DOCK5: variants seen among roughly 807,000 people sequenced by gnomAD.
DOCK5 encodes the protein dedicator of cytokinesis protein 5.
Under a neutral mutation model 251.8 loss-of-function variants are expected in DOCK5, and 142 were observed. The ratio of observed to expected loss-of-function variants is 0.56; its 90% CI spans 0.49 to 0.65. The LOEUF is 0.65. Among genes scored for constraint, DOCK5 ranks in the 30% least tolerant of loss-of-function variants. DOCK5 has a pLI of 0.00. For missense variants in DOCK5, 2,111 were observed against 2,312.3 expected (o/e 0.91, Z 1.79); for synonymous variants, 842 against 835.5 (o/e 1.01, Z -0.13).
intron 18 of DOCK5, among the ~76,000 whole-genome samples, chr8:25,329,917 C>T (rs542949210): frequency 3.3e-5 from 5 of 152,158 alleles, no homozygotes; most frequent in Admixed American, 2.0e-4. Context: ...TCTGTAACCC[C>T]GTGTCACTGC....
At chr8:25,186,349 C>CTTTTTTTT (rs778162063) in intron 1 of DOCK5, among the ~76,000 whole-genome samples, 1 of 124,818 alleles carries the variant, frequency 8.0e-6, no homozygotes, top group African/African-American at 2.9e-5. Context: ...CCTCAGGGCT[C>CTTTTTTTT]TTTTTTTTTT....
chr8:25,415,543 A>G lies in DOCK5; in HGVS notation c.*4245A>G, dbSNP rs1419874735. On this transcript the variant is annotated 3_prime_UTR_variant, in exon 52 of 52. Coordinates refer to ENST00000276440, the MANE Select transcript of DOCK5 (RefSeq NM_024940.8). The stretch of plus-strand genomic sequence containing the variant: ...TCCAAACTCATCTACTATTAGCCAT[A>G]TTTTGTGAGTCGTTTGTCTAAACTT... 4 of 152,196 alleles carry G rather than the reference A, an allele frequency of 2.6e-5. No individual in the cohort carries two copies. Among genetic ancestry groups the G allele is most frequent in the Admixed American group, 1.3e-4 (2 of 15,262 alleles). 9.4% of individuals were successfully genotyped at this position (152,196 alleles called of 1,614,324 possible).
At chr8:25,304,361 A>C (rs950203729) in intron 11 of DOCK5, 34 bp downstream of exon 11, 1 of 1,551,964 alleles carries the variant, frequency 6.4e-7, no homozygotes, top group African/African-American at 1.4e-5. Context: ...AGGTGACTTG[A>C]GACCTGGATT....
intron 11 of DOCK5, among the ~76,000 whole-genome samples, chr8:25,307,574 A>G (rs1314657934): frequency 2.0e-5 from 3 of 152,222 alleles, no homozygotes; most frequent in African/African-American, 7.2e-5. Context: ...GATTATATGT[A>G]CATAATAGGA....
Position 25,325,289 on chromosome 8 carries a change from A to G in DOCK5, c.1720-75A>G. On this transcript the variant is annotated intron_variant, in intron 17 of 51. Transcript: ENST00000276440. ...TCCACGCTTCTCATGCTGAAAATGC[A>G]TGATAGAAATTGTTTTTATTTGCAT... 4.0e-6 allele frequency: 6 copies of G among 1,493,726 alleles called. No homozygotes were observed. The South Asian group carries it at 6.3e-5, about 16-fold the overall frequency. 92.5% of individuals were successfully genotyped at this position (1,493,726 alleles called of 1,614,324 possible).
chr8:25,265,748 A>T (rs1803728021), intron 2 of DOCK5, among the ~76,000 whole-genome samples: 1 of 151,918 alleles, frequency 6.6e-6, no homozygotes, highest in Non-Finnish European at 1.5e-5. Flanking sequence ...CAGGGAAGAG[A>T]TCTGTTGGAC....
chr8:25,348,982 G>T (rs1003489964), intron 26 of DOCK5, among the ~76,000 whole-genome samples: 1 of 152,198 alleles, frequency 6.6e-6, no homozygotes, highest in African/African-American at 2.4e-5. Flanking sequence ...CCACACTAAG[G>T]AAATGTTATG....
At chr8:25,361,634 TAAATA>T (rs1441866488) in intron 28 of DOCK5, among the ~76,000 whole-genome samples, 1 of 152,046 alleles carries the variant, frequency 6.6e-6, no homozygotes, top group Non-Finnish European at 1.5e-5. Context: ...AATAAATAAG[TAAATA>T]AAATATATGA....
chr8:25,219,495 TC>T (rs999795540), intron 1 of DOCK5, among the ~76,000 whole-genome samples: 4 of 152,222 alleles, frequency 2.6e-5, no homozygotes, highest in Non-Finnish European at 5.9e-5. Context: ...ATTTTGTCTT[TC>T]CCCTTCTTGG....
chr8:25,188,420 A>G (rs887782125), intron 1 of DOCK5, among the ~76,000 whole-genome samples: 3 of 152,220 alleles, frequency 2.0e-5, no homozygotes, highest in Admixed American at 1.3e-4. Flanking sequence ...AGAGCTAGCT[A>G]TGACTTTGCC....
intron 40 of DOCK5, among the ~76,000 whole-genome samples, chr8:25,386,147 G>A (rs1357508209): frequency 1.3e-5 from 2 of 152,162 alleles, no homozygotes; most frequent in Admixed American, 6.5e-5. Flanking sequence ...CATCCAAAAG[G>A]CACAAGTCAA....
At chr8:25,399,654 TTAGTG>T (rs1801403358) in intron 45 of DOCK5, among the ~76,000 whole-genome samples, 2 of 152,248 alleles carry the variant, frequency 1.3e-5, no homozygotes, top group Non-Finnish European at 2.9e-5. Flanking sequence ...GATTATTTGA[TTAGTG>T]TGTGTGTGTG....
chr8:25,345,515 C>T lies in DOCK5; in HGVS notation c.2658C>T (p.Leu886=). ...TGCTGCCACTGCTGACAGACCAGCT[C>T]AGCGGCCAGTTAGATGACAACTCCA... ...EVLLPLLTDQ[L]SGQLDDNSNK... is the part of the protein sequence containing the mutation. The change falls in exon 26 of 52, where the codon CTC becomes CTT. Residue 886 remains leucine, a synonymous_variant. Coordinates refer to ENST00000276440, the MANE Select transcript of DOCK5 (RefSeq NM_024940.8). 6.2e-7 allele frequency: 1 copy of T among 1,613,918 alleles called. No individual in the cohort carries two copies. Among genetic ancestry groups the T allele is most frequent in the Non-Finnish European group, 8.5e-7 (1 of 1,179,890 alleles).
At chr8:25,290,813 C>G (rs1804466390) in intron 5 of DOCK5, among the ~76,000 whole-genome samples, 1 of 152,138 alleles carries the variant, frequency 6.6e-6, no homozygotes, top group South Asian at 2.1e-4. Context: ...TCCATGCTAT[C>G]ATGGGAACAA....
chr8:25,357,316 A>G (rs1019853080), intron 27 of DOCK5, among the ~76,000 whole-genome samples: 1 of 151,520 alleles, frequency 6.6e-6, no homozygotes, highest in Non-Finnish European at 1.5e-5. Flanking sequence ...GGCAATATAT[A>G]TATATCAAAG....
At chr8:25,357,468 C>T (rs1443989854) in intron 27 of DOCK5, among the ~76,000 whole-genome samples, 1 of 149,702 alleles carries the variant, frequency 6.7e-6, no homozygotes, top group Admixed American at 6.7e-5. Flanking sequence ...GTCTCTGCCT[C>T]CCAGGTTCAA....
In DOCK5 at chr8:25,275,162, C is replaced by G. The variant is rs188606307; in HGVS notation, c.169-224C>G. Among the ~76,000 whole-genome samples the G allele has an allele frequency of 1.1e-3, 165 of 152,238 alleles. 1 individual carries two copies. The highest frequency in any genetic ancestry group is 6.8e-3 in the Middle Eastern group (2 of 294). ...TTTGCCTCTTCATTCACAAAATATC[C>G]TATGCTCTCTGAACCCAAATTTTAA... On this transcript the variant is annotated intron_variant, in intron 3 of 51. Coordinates refer to ENST00000276440, the MANE Select transcript of DOCK5 (RefSeq NM_024940.8).
intron 47 of DOCK5, among the ~76,000 whole-genome samples, chr8:25,401,271 A>G (rs1801434249): frequency 1.3e-5 from 2 of 152,154 alleles, no homozygotes; most frequent in South Asian, 2.1e-4. Flanking sequence ...TTGAACAACT[A>G]TCAGAACCTC....
chr8:25,194,146 T>C (rs1012290032), intron 1 of DOCK5, among the ~76,000 whole-genome samples: 1 of 142,702 alleles, frequency 7.0e-6, no homozygotes, highest in East Asian at 2.0e-4. Context: ...AAAAAAAAAT[T>C]AGCCAGGTGT....
Sources: gnomAD v4.1 joint callset for allele counts (sites outside exome capture counted in the v4.1 genomes callset) on GRCh38, gnomAD v4.1.1 for gene constraint, MANE v1.5 for transcripts, NCBI Gene and HGNC (gene_info 2026-07-23, HGNC 2026-07-21) for gene names.